The following PTH1R variants were observed in gnomAD, a reference collection of about 807,000 sequenced individuals.
The protein encoded by PTH1R is parathyroid hormone 1 receptor.
PTH1R carries 32 observed loss-of-function variants against 70.7 expected under a neutral mutation model. The ratio of observed to expected loss-of-function variants is 0.45; its 90% CI spans 0.34 to 0.61. The LOEUF (loss-of-function observed/expected upper bound fraction) is 0.61. PTH1R is among the 20% of genes least tolerant of loss of function. PTH1R has a pLI of 0.01. For missense variants in PTH1R, 626 were observed against 792.5 expected (o/e 0.79, Z 2.52); for synonymous variants, 329 against 324.8 (o/e 1.01, Z -0.14).
chr3:46,903,388 T>C lies in PTH1R; in HGVS notation c.1514T>C (p.Val505Ala), dbSNP rs1374650920. The C allele has an allele frequency of 6.2e-7, 1 of 1,613,542 alleles. No homozygotes were observed. The part of the protein sequence containing the change: ...SYGPMVSHTS[V>A]TNVGPRVGLG... ...GGCCCCATGGTGTCCCACACAAGTG[T>C]GACCAATGTCGGCCCCCGTGTGGGA... is the stretch of plus-strand genomic sequence containing the variant. Residue 505 changes from valine to alanine, a missense_variant, in exon 16 of 16, where the codon GTG becomes GCG. This residue lies in a region of PTH1R where 495 missense variants were observed against 638.7 expected (regional missense o/e 0.77). Transcript: ENST00000449590. This position sits in a 1 kb window ranked among gnomAD's most constrained non-coding sequence, Gnocchi z 4.4.
intron 3 of PTH1R, among the ~76,000 whole-genome samples, chr3:46,885,705 G>C (rs1049316917): frequency 6.6e-6 from 1 of 152,158 alleles, no homozygotes; most frequent in Non-Finnish European, 1.5e-5. Context: ...CTGGCTTCGG[G>C]GCCAGAAGAT....
Position 46,891,742 on chromosome 3 carries a change from G to T in PTH1R, c.76-2165G>T, listed in dbSNP as rs1376568105. Among the ~76,000 whole-genome samples the T allele has an allele frequency of 6.6e-6, 1 of 151,648 alleles. No homozygotes were observed. The highest frequency in any genetic ancestry group is 6.6e-5 in the Admixed American group (1 of 15,238). ...TGCTGGTGCTGGTGATGTACCAGTT[G>T]TGATGGTGCAGATGGTGGTGATGGT... On this transcript the variant is annotated intron_variant, in intron 3 of 15. Coordinates refer to ENST00000449590, the MANE Select transcript of PTH1R (RefSeq NM_000316.3). The surrounding 1 kb of genome is among the most constrained non-coding windows in gnomAD (Gnocchi z 4.3).
Position 46,901,535 on chromosome 3 carries a change from C to A in PTH1R, c.1116+55C>A. On this transcript the variant is annotated intron_variant, in intron 12 of 15. Coordinates refer to ENST00000449590, the MANE Select transcript of PTH1R (RefSeq NM_000316.3). The surrounding 1 kb of genome is among the most constrained non-coding windows in gnomAD (Gnocchi z 7.3). ...GGTGGGTGGGATGTGCGCCTGCGTC[C>A]CCTGGAACCAGCCCCTGACAGGGAC... 1 of 1,545,708 alleles carries A rather than the reference C, an allele frequency of 6.5e-7. No individual in the cohort carries two copies.
intron 3 of PTH1R, among the ~76,000 whole-genome samples, chr3:46,890,411 A>G (rs1426530995): frequency 6.6e-6 from 1 of 151,708 alleles, no homozygotes; most frequent in Non-Finnish European, 1.5e-5. Context: ...TGCTGCTCAC[A>G]GTATCAACAA....
chr3:46,886,652 C>T (rs1313901937), intron 3 of PTH1R, among the ~76,000 whole-genome samples: 5 of 152,312 alleles, frequency 3.3e-5, no homozygotes, highest in African/African-American at 9.6e-5. Context: ...CCACCACGCC[C>T]GGCCGGTTGC....
chr3:46,883,148 A>AAAAGAAAGAAAGAAAGAAAGAAAG lies in PTH1R; in HGVS notation c.-48-356_-48-333dup, dbSNP rs540920290. Among the ~76,000 whole-genome samples, 2 of 142,164 alleles carry AAAAGAAAGAAAGAAAGAAAGAAAG rather than the reference A, an allele frequency of 1.4e-5. No homozygotes were observed. Among genetic ancestry groups the AAAAGAAAGAAAGAAAGAAAGAAAG allele is most frequent in the African/African-American group, 2.6e-5 (1 of 38,378 alleles). 93.3% of individuals were successfully genotyped at this position (142,164 alleles called of 152,430 possible). ...AGCTCCCATTTCCCCAAAAGAAAAA[A>AAAAGAAAGAAAGAAAGAAAGAAAG]AAAGAAAGAAAGAAAGAAAGAAAGA... is the stretch of plus-strand genomic sequence containing the variant. On this transcript the variant is annotated intron_variant, in intron 2 of 15. Coordinates refer to ENST00000449590, the MANE Select transcript of PTH1R (RefSeq NM_000316.3). The surrounding 1 kb of genome is among the most constrained non-coding windows in gnomAD (Gnocchi z 6.4).
rs2032227001 is a variant in PTH1R, at chr3:46,903,092, G to T, written c.1396-178G>T. 2 of 1,230,956 alleles carry T rather than the reference G, an allele frequency of 1.6e-6. No homozygotes were observed. Among genetic ancestry groups the T allele is most frequent in the South Asian group, 2.6e-5 (2 of 76,568 alleles). 76.3% of individuals were successfully genotyped at this position (1,230,956 alleles called of 1,614,324 possible). On this transcript the variant is annotated intron_variant, in intron 15 of 15. Transcript: ENST00000449590. This position sits in a 1 kb window ranked among gnomAD's most constrained non-coding sequence, Gnocchi z 4.4. ...GCAATTTGAGCCTTGTAGATTCTGGGTGTGTCGGCTGCCTGTAGCCAAACA... is the reference window on the plus strand; with the variant it reads ...GCAATTTGAGCCTTGTAGATTCTGGTTGTGTCGGCTGCCTGTAGCCAAACA...
At chr3:46,898,282 G>A in intron 7 of PTH1R, 90 bp downstream of exon 7, 3 of 1,570,388 alleles carry the variant, frequency 1.9e-6, no homozygotes, top group Non-Finnish European at 2.6e-6. Context: ...CCCTGACCTT[G>A]ACTCCTCCAG....
At chr3:46,887,779 A>G (rs1245564031) in intron 3 of PTH1R, among the ~76,000 whole-genome samples, 1 of 152,166 alleles carries the variant, frequency 6.6e-6, no homozygotes, top group Non-Finnish European at 1.5e-5. Context: ...ATGAATCTAT[A>G]TTTTTAAATG....
chr3:46,897,915 A>C lies in PTH1R; in HGVS notation c.374A>C (p.Glu125Ala). 3 of 1,614,012 alleles carry C rather than the reference A, an allele frequency of 1.9e-6. No homozygotes were observed. The South Asian group carries it at 3.3e-5, about 18-fold the overall frequency. ...ILCWPLGAPGEVVAVPCPDYI... is the reference protein window; with the variant it reads ...ILCWPLGAPGAVVAVPCPDYI... ...TGCTGGCCGCTGGGGGCACCAGGTGAGGTGGTGGCTGTGCCCTGTCCGGAC... is the reference window on the plus strand; with the variant it reads ...TGCTGGCCGCTGGGGGCACCAGGTGCGGTGGTGGCTGTGCCCTGTCCGGAC... Residue 125 changes from glutamate (E) to alanine (A), a missense_variant, in exon 6 of 16, where the codon GAG (glutamate) becomes GCG (alanine). Around this residue, in one of 3 missense-constraint regions of PTH1R, gnomAD observed 495 missense variants for 638.7 expected, o/e 0.77. Transcript: ENST00000449590.
rs1330887838 is a variant in PTH1R at position 46,879,256 on chromosome 3, A to G, written c.-106+1413A>G. Among the ~76,000 whole-genome samples, 1 of 152,138 alleles carries G rather than the reference A, an allele frequency of 6.6e-6. No homozygotes were observed. Among genetic ancestry groups the G allele is most frequent in the African/African-American group, 2.4e-5 (1 of 41,442 alleles). On this transcript the variant is annotated intron_variant, in intron 1 of 15. Coordinates refer to ENST00000449590, the MANE Select transcript of PTH1R (RefSeq NM_000316.3). This position sits in a 1 kb window ranked among gnomAD's most constrained non-coding sequence, Gnocchi z 4.7. ...CTCCACAGCCCACCCTCATCCTCCC[A>G]AGTACAAGTAGTATGTTTCCAAATC... is the stretch of plus-strand genomic sequence containing the variant.
chr3:46,900,845 A>G (rs1385676285), intron 10 of PTH1R, among the ~76,000 whole-genome samples, 180 bp from the exon 11 acceptor site: 1 of 152,124 alleles, frequency 6.6e-6, no homozygotes. Flanking sequence ...TGGAGCCCCA[A>G]GGGGAAGCTG....
At chr3:46,890,888 G>T (rs1390696612) in intron 3 of PTH1R, among the ~76,000 whole-genome samples, 1 of 152,204 alleles carries the variant, frequency 6.6e-6, no homozygotes, top group Non-Finnish European at 1.5e-5. Flanking sequence ...CTAGTCAAGG[G>T]TGGAGGTGGG....
chr3:46,888,015 T>TA (rs2031150289), intron 3 of PTH1R, among the ~76,000 whole-genome samples: 1 of 152,230 alleles, frequency 6.6e-6, no homozygotes. Context: ...TTTATTTTAA[T>TA]AGCATGGCCA....
intron 3 of PTH1R, among the ~76,000 whole-genome samples, chr3:46,886,062 G>A (rs1246984325): frequency 6.6e-6 from 1 of 152,204 alleles, no homozygotes; most frequent in Non-Finnish European, 1.5e-5. Flanking sequence ...TTACCTGGGA[G>A]CCTGGAGTCT....
Position 46,903,566 on chromosome 3 carries a change from C to T in PTH1R, c.1692C>T (p.Leu564=). Residue 564 remains leucine, a synonymous_variant, in exon 16 of 16, where the codon CTC becomes CTT. Coordinates refer to ENST00000449590, the MANE Select transcript of PTH1R (RefSeq NM_000316.3). This position sits in a 1 kb window ranked among gnomAD's most constrained non-coding sequence, Gnocchi z 4.4. The part of the protein sequence containing the change: ...AMAAPKDDGF[L]NGSCSGLDEE... ...CTGCTCCCAAGGACGATGGGTTCCT[C>T]AACGGCTCCTGCTCAGGCCTGGACG... 6.2e-7 allele frequency: 1 copy of T among 1,613,914 alleles called. No individual in the cohort carries two copies. The highest frequency in any genetic ancestry group is 8.5e-7 in the Non-Finnish European group (1 of 1,180,038).
In PTH1R at chr3:46,903,622, C is replaced by T. The variant is rs2032269082; in HGVS notation, c.1748C>T (p.Ala583Val). 3 of 1,612,386 alleles carry T rather than the reference C, an allele frequency of 1.9e-6. No individual in the cohort carries two copies. The East Asian group carries it at 6.7e-5, about 36-fold the overall frequency. The part of the protein sequence containing the change: ...EEASGPERPP[A>V]LLQEEWETVM Reference sequence around the variant, plus strand: ...GCCTCTGGGCCTGAGCGGCCACCTGCCCTGCTACAGGAAGAGTGGGAGACA... The same window carrying T: ...GCCTCTGGGCCTGAGCGGCCACCTGTCCTGCTACAGGAAGAGTGGGAGACA... The change falls in exon 16 of 16, where the codon GCC becomes GTC. Residue 583 changes from alanine (A) to valine (V), a missense_variant. By Grantham distance (64) the Ala-to-Val change is moderately conservative (BLOSUM62 0). Transcript: ENST00000449590. This position sits in a 1 kb window ranked among gnomAD's most constrained non-coding sequence, Gnocchi z 4.4.
chr3:46,903,447 A>C lies in PTH1R; in HGVS notation c.1573A>C (p.Thr525Pro). ...GCCCCTCAGCCCCCGCCTACTGCCC[A>C]CTGCCACCACCAACGGCCACCCTCA... ...GLPLSPRLLP[T>P]ATTNGHPQLP... The change falls in exon 16 of 16, where the codon ACT becomes CCT. Residue 525 changes from threonine to proline, a missense_variant. By Grantham distance (38) the Thr-to-Pro change is conservative. Around this residue, in one of 3 missense-constraint regions of PTH1R, gnomAD observed 495 missense variants for 638.7 expected, o/e 0.77. Coordinates refer to ENST00000449590, the MANE Select transcript of PTH1R (RefSeq NM_000316.3). This position sits in a 1 kb window ranked among gnomAD's most constrained non-coding sequence, Gnocchi z 4.4. 1 of 1,613,418 alleles carries C rather than the reference A, an allele frequency of 6.2e-7. No individual in the cohort carries two copies. The highest frequency in any genetic ancestry group is 1.1e-5 in the South Asian group (1 of 91,062).
In PTH1R at chr3:46,899,369, G is replaced by A. The variant is rs200636306; in HGVS notation, c.901G>A (p.Val301Met). ...GGCCACCAACTACTACTGGATTCTGGTGGAGGGGCTGTACCTGCACAGCCT... is the reference window on the plus strand; with the variant it reads ...GGCCACCAACTACTACTGGATTCTGATGGAGGGGCTGTACCTGCACAGCCT... ...FLATNYYWILVEGLYLHSLIF... is the reference protein window; with the variant it reads ...FLATNYYWILMEGLYLHSLIF... The change falls in exon 10 of 16, where the codon GTG becomes ATG. Residue 301 changes from valine to methionine, a missense_variant. Physicochemically the swap from Val to Met is conservative, Grantham distance 21. This residue lies in a region of PTH1R where 495 missense variants were observed against 638.7 expected (regional missense o/e 0.77). Coordinates refer to ENST00000449590, the MANE Select transcript of PTH1R (RefSeq NM_000316.3). 2 of 1,613,932 alleles carry A rather than the reference G, an allele frequency of 1.2e-6. No individual in the cohort carries two copies. The highest frequency in any genetic ancestry group is 1.1e-5 in the South Asian group (1 of 91,080).
Sources: allele counts gnomAD v4.1 joint callset (sites outside exome capture counted in the v4.1 genomes callset), GRCh38; gene constraint gnomAD v4.1.1; regional missense constraint gnomAD v4.1.1; non-coding constraint Gnocchi (gnomAD v3.1); transcripts MANE v1.5; gene names NCBI Gene and HGNC (gene_info 2026-07-23, HGNC 2026-07-21).